The following CPEB1 variants were observed in gnomAD, a reference collection of about 807,000 sequenced individuals.
CPEB1 encodes cytoplasmic polyadenylation element-binding protein 1.
Under a neutral mutation model 65.8 loss-of-function variants are expected in CPEB1, and 7 were observed. The observed-to-expected ratio is 0.11, with a 90% CI of 0.06 to 0.20. CPEB1 has a LOEUF of 0.20. Ranked by LOEUF, CPEB1 falls within the 10% of genes least tolerant of loss-of-function variation. CPEB1 has a pLI of 1.00. For missense variants in CPEB1, 551 were observed against 712.2 expected, an observed-to-expected ratio of 0.77 and a Z score of 2.58; for synonymous variants, 262 against 260.0, an observed-to-expected ratio of 1.01 and a Z score of -0.08.
At chr15:82,575,230 G>A (rs2040523862) in intron 3 of CPEB1, among the ~76,000 whole-genome samples, 1 of 152,168 alleles carries the variant, frequency 6.6e-6, no homozygotes. Context: ...ATTCATTGGG[G>A]AAAAACTTTT....
At chr15:82,582,737 C>CTTTTT (rs11300517) in intron 3 of CPEB1, among the ~76,000 whole-genome samples, 6 of 87,398 alleles carry the variant, frequency 6.9e-5, no homozygotes, top group Admixed American at 1.3e-4. Context: ...ACTAGGAGTT[C>CTTTTT]TTTTTTTTTT....
chr15:82,561,956 C>G (rs2038290408), intron 4 of CPEB1, among the ~76,000 whole-genome samples: 1 of 152,340 alleles, frequency 6.6e-6, no homozygotes, highest in South Asian at 2.1e-4. Context: ...TAACAACTTA[C>G]TGAACGTCTA....
chr15:82,547,258 T>G, intron 10 of CPEB1, 21 bp from the exon 11 acceptor site: 1 of 1,403,898 alleles, frequency 7.1e-7, no homozygotes, highest in Non-Finnish European at 1.0e-6. Flanking sequence ...AGACACAAGC[T>G]TCCCTTCTAA....
intron 1 of CPEB1, chr15:82,641,799 C>G (rs1368384833): frequency 6.6e-6 from 1 of 151,734 alleles, no homozygotes; most frequent in African/African-American, 2.4e-5. Flanking sequence ...CCTAAGTGTT[C>G]TCCTGAACTA....
intron 1 of CPEB1, chr15:82,629,167 CAGTT>C (rs1446808312): frequency 1.6e-6 from 1 of 611,102 alleles, no homozygotes; most frequent in Non-Finnish European, 2.0e-6. Flanking sequence ...TGTGATATCA[CAGTT>C]ACTTAACCTC....
chr15:82,580,372 CT>C (rs1222741572), intron 3 of CPEB1, among the ~76,000 whole-genome samples: 1 of 151,610 alleles, frequency 6.6e-6, no homozygotes, highest in Non-Finnish European at 1.5e-5. Flanking sequence ...AAGTTTCCCC[CT>C]GTTAAAGAAC....
intron 3 of CPEB1, chr15:82,573,112 A>G (rs1467449596): frequency 2.6e-6 from 4 of 1,535,660 alleles, no homozygotes; most frequent in Non-Finnish European, 3.5e-6. Flanking sequence ...CTCCCATGGC[A>G]GGGTCGAGAG....
chr15:82,590,226 A>C lies in CPEB1; in HGVS notation c.272-18694T>G, dbSNP rs1006599833. Among the ~76,000 whole-genome samples the C allele has an allele frequency of 6.5e-4, 80 of 122,972 alleles. No homozygotes were observed. In the Middle Eastern group the frequency reaches 0.012, roughly 19 times the overall value. The allele number at this position is 122,972 out of a possible 152,430, so 80.7% of individuals were successfully genotyped here. The stretch of plus-strand genomic sequence containing the variant: ...CCCTTTGACAAAAAAAAAAAAAAAA[A>C]AAAAAAAAAAAAAACAGTTGTTAGT... On this transcript the variant is annotated intron_variant, in intron 3 of 12. Transcript: ENST00000684509.
In CPEB1 at chr15:82,549,616, G is replaced by A. The variant is rs1351988587; in HGVS notation, c.1324C>T (p.Arg442Trp). 4 of 1,614,000 alleles carry A rather than the reference G, an allele frequency of 2.5e-6. No individual in the cohort carries two copies. Among genetic ancestry groups the A allele is most frequent in the South Asian group, 1.1e-5 (1 of 91,088 alleles). The part of the protein sequence containing the change: ...PWVLADSNFV[R>W]SPSQRLDPSR... Reference sequence around the variant, plus strand: ...GGGTCAAGCCTCTGAGATGGGCTCCGGACAAAGTTACTGTCGGCTAATACC... The same window carrying A: ...GGGTCAAGCCTCTGAGATGGGCTCCAGACAAAGTTACTGTCGGCTAATACC... Residue 442 changes from arginine (R) to tryptophan (W), a missense_variant, in exon 10 of 13, where the codon CGG becomes TGG. Coordinates refer to ENST00000684509, the MANE Select transcript of CPEB1 (RefSeq NM_001365242.1).
intron 3 of CPEB1, among the ~76,000 whole-genome samples, chr15:82,581,524 C>T (rs964287248): frequency 2.6e-5 from 4 of 152,176 alleles, no homozygotes; most frequent in Non-Finnish European, 4.4e-5. Flanking sequence ...GGAAGCACCA[C>T]ACTCTTTTCC....
chr15:82,599,829 G>A (rs1002768131), intron 3 of CPEB1, among the ~76,000 whole-genome samples: 1 of 152,106 alleles, frequency 6.6e-6, no homozygotes, highest in African/African-American at 2.4e-5. Flanking sequence ...CTCAAAGATG[G>A]AGTTTAACAG....
chr15:82,638,485 CTTAT>C (rs2046844206), intron 1 of CPEB1: 1 of 152,194 alleles, frequency 6.6e-6, no homozygotes, highest in Non-Finnish European at 1.5e-5. Flanking sequence ...TTCCAAAATT[CTTAT>C]TTTTTTCTTC....
chr15:82,544,847 T>C lies in CPEB1; in HGVS notation c.1657-145A>G, dbSNP rs1178710285. The C allele has an allele frequency of 1.7e-5, 11 of 651,362 alleles. No homozygotes were observed. In the Admixed American group the frequency reaches 1.9e-4, roughly 11 times the overall value. 40.3% of individuals were successfully genotyped at this position (651,362 alleles called of 1,614,324 possible). A position where few individuals can be genotyped will look rare whatever the true frequency, so the allele number is the denominator to read the frequency against. ...GGTTAGAAGAAATGGTCCCTAGGAA[T>C]GCTCTCACCCCAACACAGAAGCCTG... On this transcript the variant is annotated intron_variant, in intron 12 of 12. Transcript: ENST00000684509.
intron 3 of CPEB1, among the ~76,000 whole-genome samples, chr15:82,622,567 T>C (rs1178816908): frequency 6.6e-6 from 1 of 152,116 alleles, no homozygotes; most frequent in Non-Finnish European, 1.5e-5. Context: ...AATTTTTCTA[T>C]TTTTAATAGA....
At chr15:82,587,923 GTTTTT>G (rs1384129167) in intron 3 of CPEB1, among the ~76,000 whole-genome samples, 2 of 110,970 alleles carry the variant, frequency 1.8e-5, no homozygotes, top group African/African-American at 3.1e-5. Flanking sequence ...GTTTTGTTTT[GTTTTT>G]GTTTTTGTTT....
chr15:82,608,923 G>T (rs1236998109), intron 3 of CPEB1, among the ~76,000 whole-genome samples: 1 of 152,132 alleles, frequency 6.6e-6, no homozygotes, highest in Non-Finnish European at 1.5e-5. Context: ...ATATTCTCCA[G>T]GACAGACCAT....
At chr15:82,565,737 C>G (rs1255197849) in intron 4 of CPEB1, among the ~76,000 whole-genome samples, 1 of 152,214 alleles carries the variant, frequency 6.6e-6, no homozygotes, top group African/African-American at 2.4e-5. Context: ...GACCTCTTTG[C>G]TCTGTTCTTT....
Position 82,601,052 on chromosome 15 carries a change from G to A in CPEB1, c.271+26141C>T, listed in dbSNP as rs895944447. On this transcript the variant is annotated intron_variant, in intron 3 of 12. Transcript: ENST00000684509. The stretch of plus-strand genomic sequence containing the variant: ...CCCGAGTAGCTGGGATTACAGGTGC[G>A]TGCCACCACACCGAGCTAATTTTTG... Among the ~76,000 whole-genome samples, 16 of 150,724 alleles carry A rather than the reference G, an allele frequency of 1.1e-4. 2 individuals are homozygous for A. The South Asian group carries it at 1.5e-3, about 14-fold the overall frequency.
chr15:82,627,521 G>C (rs1007580391), intron 2 of CPEB1, among the ~76,000 whole-genome samples, 154 bp from the exon 3 acceptor site: 29 of 152,048 alleles, frequency 1.9e-4, no homozygotes, highest in African/African-American at 5.6e-4. Context: ...CTAAGTACTC[G>C]GAACTGTAAG....
Sources: allele counts gnomAD v4.1 joint callset (sites outside exome capture counted in the v4.1 genomes callset), GRCh38; gene constraint gnomAD v4.1.1; transcripts MANE v1.5; gene names NCBI Gene and HGNC (gene_info 2026-07-23, HGNC 2026-07-21).